Variants in ZBTB20 observed in about 807,000 individuals in gnomAD.
ZBTB20 encodes zinc finger and BTB domain-containing protein 20.
A neutral mutation model predicts 56.9 loss-of-function variants in ZBTB20; 9 were observed. The ratio of observed to expected loss-of-function variants is 0.16; its 90% CI spans 0.10 to 0.28. ZBTB20 has a LOEUF of 0.28. ZBTB20 is among the 10% of genes least tolerant of loss of function. The probability of loss-of-function intolerance (pLI) is 1.00; values close to 1 mark genes in which losing one functional copy is unlikely to be tolerated. For missense variants in ZBTB20, 655 were observed against 1,003.0 expected (o/e 0.65, Z 4.69); for synonymous variants, 417 against 420.7 (o/e 0.99, Z 0.11).
intron 3 of ZBTB20, among the ~76,000 whole-genome samples, chr3:114,936,922 A>T (rs1486386217): frequency 6.6e-6 from 1 of 152,110 alleles, no homozygotes; most frequent in African/African-American, 2.4e-5. Context: ...AGGTAAGGAG[A>T]GCACTCAGAC....
At chr3:114,728,737 A>C (rs549736903) in intron 5 of ZBTB20, among the ~76,000 whole-genome samples, 1 of 152,332 alleles carries the variant, frequency 6.6e-6, no homozygotes, top group Admixed American at 6.5e-5. Context: ...GCATCTTTTT[A>C]ACATGACTTA....
chr3:114,591,883 C>A (rs2055803779), intron 6 of ZBTB20, among the ~76,000 whole-genome samples: 1 of 152,132 alleles, frequency 6.6e-6, no homozygotes, highest in South Asian at 2.1e-4. Context: ...TCCTCAACAT[C>A]TAAAATAATG....
At chr3:114,656,389 C>T (rs547915622) in intron 6 of ZBTB20, among the ~76,000 whole-genome samples, 1 of 152,274 alleles carries the variant, frequency 6.6e-6, no homozygotes, top group African/African-American at 2.4e-5. Flanking sequence ...TTAAGATTCT[C>T]CAACAAATCA....
At chr3:114,799,955 G>A (rs923692972) in intron 5 of ZBTB20, among the ~76,000 whole-genome samples, 1 of 151,890 alleles carries the variant, frequency 6.6e-6, no homozygotes, top group Non-Finnish European at 1.5e-5. Flanking sequence ...AGAGTGCAAT[G>A]AACTACAGTG....
At chr3:114,405,527 T>A (rs1412408179) in intron 7 of ZBTB20, among the ~76,000 whole-genome samples, 2 of 152,270 alleles carry the variant, frequency 1.3e-5, no homozygotes, top group East Asian at 1.9e-4. Flanking sequence ...GGAATGAAAC[T>A]CAGAAATGCT....
At chr3:114,762,214 A>T (rs894762585) in intron 5 of ZBTB20, among the ~76,000 whole-genome samples, 2 of 152,228 alleles carry the variant, frequency 1.3e-5, no homozygotes, top group African/African-American at 4.8e-5. Context: ...TGATTAATAC[A>T]ATATTACATT....
intron 2 of ZBTB20, among the ~76,000 whole-genome samples, chr3:114,983,806 G>A (rs2108102574): frequency 1.3e-5 from 2 of 152,030 alleles, no homozygotes; most frequent in Middle Eastern, 3.4e-3. Flanking sequence ...GGTTTTAAAT[G>A]CTTAGAAATT....
chr3:114,899,299 T>C (rs568452428), intron 4 of ZBTB20, among the ~76,000 whole-genome samples: 1 of 152,148 alleles, frequency 6.6e-6, no homozygotes, highest in East Asian at 1.9e-4. Flanking sequence ...ATATGCCCCA[T>C]GTGTCCACTA....
intron 6 of ZBTB20, among the ~76,000 whole-genome samples, chr3:114,675,919 C>T (rs2061600547): frequency 6.6e-6 from 1 of 151,716 alleles, no homozygotes; most frequent in African/African-American, 2.4e-5. Context: ...CTTAGATATA[C>T]TAGATGCCAT....
rs547941550 is a variant in ZBTB20, at chr3:114,879,246, C to T, written c.-417+21058G>A. On this transcript the variant is annotated intron_variant, in intron 4 of 11. Transcript: ENST00000675478. ...AAACAGATTGCACAATCTCAACTAG[C>T]GATCTTGAAGCATGTCTGATTTTCC... is the stretch of plus-strand genomic sequence containing the variant. Among the ~76,000 whole-genome samples, 4 of 152,228 alleles carry T rather than the reference C, an allele frequency of 2.6e-5. No individual in the cohort carries two copies. The South Asian group carries it at 8.3e-4, about 32-fold the overall frequency.
At chr3:114,834,209 G>T (rs1167596668) in intron 4 of ZBTB20, among the ~76,000 whole-genome samples, 1 of 152,092 alleles carries the variant, frequency 6.6e-6, no homozygotes, top group African/African-American at 2.4e-5. Context: ...AAAAGTTAAA[G>T]AATAATAGAG....
At chr3:115,090,145 C>T (rs1030392496) in intron 1 of ZBTB20, among the ~76,000 whole-genome samples, 1 of 151,622 alleles carries the variant, frequency 6.6e-6, no homozygotes, top group African/African-American at 2.4e-5. Flanking sequence ...TTTTAAAAGC[C>T]CTTGGCTGAT....
At chr3:114,719,809 T>C (rs556174860) in intron 5 of ZBTB20, among the ~76,000 whole-genome samples, 3 of 152,228 alleles carry the variant, frequency 2.0e-5, no homozygotes, top group East Asian at 3.9e-4. Context: ...AAAGCTGATG[T>C]ATTTTAATGC....
intron 2 of ZBTB20, among the ~76,000 whole-genome samples, chr3:115,004,410 A>G (rs1406650402): frequency 6.6e-6 from 1 of 151,730 alleles, no homozygotes; most frequent in East Asian, 1.9e-4. Context: ...CTTTGCCTTT[A>G]AAACAAAATA....
intron 10 of ZBTB20, chr3:114,367,052 G>C (rs371057956): frequency 4.6e-5 from 7 of 152,306 alleles, no homozygotes; most frequent in African/African-American, 1.7e-4. Flanking sequence ...TTTGCAAAGG[G>C]CTCTCTGATA....
chr3:114,567,746 C>A (rs527444369), intron 6 of ZBTB20, among the ~76,000 whole-genome samples: 1 of 152,116 alleles, frequency 6.6e-6, no homozygotes, highest in African/African-American at 2.4e-5. Context: ...GTTCACCAAA[C>A]GGAACTGACA....
At chr3:114,510,466 A>T (rs2045219475) in intron 6 of ZBTB20, among the ~76,000 whole-genome samples, 1 of 150,292 alleles carries the variant, frequency 6.7e-6, no homozygotes, top group South Asian at 2.1e-4. Context: ...CCCACCCACA[A>T]CGCCACAGAG....
chr3:114,505,169 A>G (rs1382886693), intron 6 of ZBTB20, among the ~76,000 whole-genome samples: 1 of 152,158 alleles, frequency 6.6e-6, no homozygotes, highest in Non-Finnish European at 1.5e-5. Flanking sequence ...TTAAAAACAG[A>G]ATCTGGGTCG....
intron 6 of ZBTB20, among the ~76,000 whole-genome samples, chr3:114,648,354 A>G (rs2059957654): frequency 6.6e-6 from 1 of 151,940 alleles, no homozygotes; most frequent in Non-Finnish European, 1.5e-5. Flanking sequence ...TCTTAAAATT[A>G]ATAATTTCAA....
Sources: allele counts gnomAD v4.1 joint callset (sites outside exome capture counted in the v4.1 genomes callset), GRCh38; gene constraint gnomAD v4.1.1; transcripts MANE v1.5; gene names NCBI Gene and HGNC (gene_info 2026-07-23, HGNC 2026-07-21).